The following TNRC18 variants were observed in gnomAD, a reference collection of about 807,000 sequenced individuals.
The protein encoded by TNRC18 is trinucleotide repeat containing 18.
A neutral mutation model predicts 226.7 loss-of-function variants in TNRC18; 69 were observed. The observed-to-expected ratio is 0.30, with a 90% CI of 0.25 to 0.37. TNRC18 has a LOEUF of 0.37. Ranked by LOEUF, TNRC18 falls within the 10% of genes least tolerant of loss-of-function variation. The probability of loss-of-function intolerance (pLI) is 1.00; values close to 1 mark genes in which losing one functional copy is unlikely to be tolerated. For missense variants in TNRC18, 4,754 were observed against 4,256.6 expected, an observed-to-expected ratio of 1.12 and a Z score of -3.25; for synonymous variants, 2,449 against 1,927.6, an observed-to-expected ratio of 1.27 and a Z score of -7.09.
intron 11 of TNRC18, among the ~76,000 whole-genome samples, chr7:5,365,617 T>G (rs1793535089): frequency 6.6e-6 from 1 of 151,938 alleles, no homozygotes; most frequent in South Asian, 2.1e-4. Flanking sequence ...ATTTTTCAAT[T>G]GACATTTCAT....
At chr7:5,386,488 C>T (rs1378277540) in intron 5 of TNRC18, among the ~76,000 whole-genome samples, 3 of 151,582 alleles carry the variant, frequency 2.0e-5, no homozygotes, top group Non-Finnish European at 2.9e-5. Flanking sequence ...GAGGCACAAT[C>T]GCTTGAACCC....
chr7:5,336,448 G>GT (rs2128131303), intron 18 of TNRC18, among the ~76,000 whole-genome samples: 1 of 151,964 alleles, frequency 6.6e-6, no homozygotes, highest in South Asian at 2.1e-4. Flanking sequence ...TGAACCAATT[G>GT]TAAGTATAGA....
intron 2 of TNRC18, among the ~76,000 whole-genome samples, chr7:5,400,502 C>T (rs932661761): frequency 2.0e-5 from 3 of 151,990 alleles, no homozygotes; most frequent in Non-Finnish European, 4.4e-5. Context: ...CCCAGCTACT[C>T]GGGAGGTTTT....
chr7:5,388,505 G>C lies in TNRC18; in HGVS notation c.1319C>G (p.Pro440Arg). Reference protein sequence around the residue: ...NSVIRSLKRPPPADAPTVRAT... With the variant: ...NSVIRSLKRPRPADAPTVRAT... ...CCGCACCGTGGGGGCATCCGCGGGG[G>C]GCGGCCGCTTGAGCGAGCGGATGAC... Residue 440 changes from proline to arginine, a missense_variant, in exon 5 of 30, where the codon CCC becomes CGC. Pro to Arg is a moderately radical substitution (Grantham distance 103). Coordinates refer to ENST00000430969, the MANE Select transcript of TNRC18 (RefSeq NM_001080495.3). 1 of 1,333,836 alleles carries C rather than the reference G, an allele frequency of 7.5e-7. No individual in the cohort carries two copies. The allele number at this position is 1,333,836 out of a possible 1,614,324, so 82.6% of individuals were successfully genotyped here. A position where few individuals can be genotyped will look rare whatever the true frequency, so the allele number is the denominator to read the frequency against.
chr7:5,354,262 C>A (rs900642628), intron 16 of TNRC18, among the ~76,000 whole-genome samples: 3 of 152,046 alleles, frequency 2.0e-5, no homozygotes, highest in Non-Finnish European at 4.4e-5. Context: ...TTCCCTCACA[C>A]GTGCCAAGAG....
chr7:5,313,974 T>G (rs1787582283), intron 26 of TNRC18, 111 bp from the exon 27 acceptor site: 2 of 1,208,434 alleles, frequency 1.7e-6, no homozygotes, highest in South Asian at 5.5e-5. Flanking sequence ...TTTTTGTTTT[T>G]TTTTTGAGAT....
intron 18 of TNRC18, among the ~76,000 whole-genome samples, chr7:5,334,445 C>T (rs373080550): frequency 1.3e-5 from 2 of 148,730 alleles, no homozygotes; most frequent in African/African-American, 2.5e-5. Flanking sequence ...TACAGGTGCC[C>T]GCCACCACGC....
intron 18 of TNRC18, among the ~76,000 whole-genome samples, chr7:5,333,415 G>GGCGGGGAAACCC (rs1407927845): frequency 2.0e-5 from 3 of 152,242 alleles, no homozygotes; most frequent in African/African-American, 7.2e-5. Flanking sequence ...AAGGCAGGCA[G>GGCGGGGAAACCC]GCGGGGAAAC....
At position 5,423,786 on chromosome 7, in the gene TNRC18, G is replaced by A. The variant is rs1413238597; in HGVS notation, c.-589C>T. On this transcript the variant is annotated 5_prime_UTR_variant, in exon 1 of 30. Coordinates refer to ENST00000430969, the MANE Select transcript of TNRC18 (RefSeq NM_001080495.3). The stretch of plus-strand genomic sequence containing the variant: ...AATCTCCATATACAGCCCGGGATTG[G>A]AAAAGGTACATTACACAACCCCCCT... 6.8e-6 allele frequency among the ~76,000 whole-genome samples: 1 copy of A among 146,812 alleles called. No individual in the cohort carries two copies. Among genetic ancestry groups the A allele is most frequent in the African/African-American group, 2.5e-5 (1 of 39,850 alleles).
intron 24 of TNRC18, among the ~76,000 whole-genome samples, chr7:5,319,519 C>G (rs1788144249): frequency 6.6e-6 from 1 of 151,910 alleles, no homozygotes; most frequent in African/African-American, 2.4e-5. Context: ...ATTCTTTTTT[C>G]TTTTTTTGAG....
chr7:5,354,127 C>T (rs917327150), intron 16 of TNRC18, among the ~76,000 whole-genome samples: 9 of 151,950 alleles, frequency 5.9e-5, no homozygotes, highest in African/African-American at 2.2e-4. Flanking sequence ...CACTTGAACC[C>T]GGGAGGCGGA....
intron 4 of TNRC18, 23 bp downstream of exon 4, chr7:5,390,462 C>G (rs764173311): frequency 6.2e-7 from 1 of 1,613,362 alleles, no homozygotes; most frequent in South Asian, 1.1e-5. Context: ...TGTGCCACCC[C>G]CAACCCCGGA....
chr7:5,335,750 A>G (rs767743757), intron 18 of TNRC18, among the ~76,000 whole-genome samples: 1 of 151,708 alleles, frequency 6.6e-6, no homozygotes, highest in Non-Finnish European at 1.5e-5. Context: ...TGATCTGAAC[A>G]GAGGCCAGAG....
In TNRC18 at chr7:5,345,705, C is replaced by A. The variant is rs1327651264; in HGVS notation, c.5576G>T (p.Gly1859Val). 1.9e-6 allele frequency: 3 copies of A among 1,549,118 alleles called. No homozygotes were observed. The highest frequency in any genetic ancestry group is 3.9e-5 in the Admixed American group (2 of 50,994). The change falls in exon 18 of 30, where the codon GGC becomes GTC. Residue 1859 changes from glycine to valine, a missense_variant. Coordinates refer to ENST00000430969, the MANE Select transcript of TNRC18 (RefSeq NM_001080495.3). ...LGARERALSP[G>V]LEESGLGLLA... Reference sequence around the variant, plus strand: ...CAGGCCCAGCCCACTCTCCTCCAGGCCCGGTGACAGGGCCCGCTCCCGGGC... The same window carrying A: ...CAGGCCCAGCCCACTCTCCTCCAGGACCGGTGACAGGGCCCGCTCCCGGGC...
intron 11 of TNRC18, among the ~76,000 whole-genome samples, chr7:5,370,086 G>A (rs1216003899): frequency 6.6e-6 from 1 of 152,044 alleles, no homozygotes; most frequent in African/African-American, 2.4e-5. Context: ...AGGTCAAGGT[G>A]GGCAAAATCA....
At chr7:5,354,925 G>T (rs962276093) in intron 16 of TNRC18, among the ~76,000 whole-genome samples, 2 of 152,142 alleles carry the variant, frequency 1.3e-5, no homozygotes, top group Non-Finnish European at 2.9e-5. Context: ...CAATAAACAC[G>T]GCGACTTTTC....
intron 24 of TNRC18, among the ~76,000 whole-genome samples, chr7:5,318,211 G>A (rs1456314307): frequency 1.3e-5 from 2 of 152,076 alleles, no homozygotes; most frequent in African/African-American, 4.8e-5. Context: ...TAGAGACAGG[G>A]TCTTGCTATG....
intron 2 of TNRC18, among the ~76,000 whole-genome samples, chr7:5,405,912 A>G (rs552782551): frequency 1.2e-3 from 186 of 152,308 alleles, no homozygotes; most frequent in Non-Finnish European, 2.2e-3. Flanking sequence ...TAAAAAATAA[A>G]AATAGAAAAG....
chr7:5,377,840 C>T lies in TNRC18; in HGVS notation c.2255+82G>A. On this transcript the variant is annotated intron_variant, in intron 6 of 29. Transcript: ENST00000430969. The surrounding 1 kb of genome is among the most constrained non-coding windows in gnomAD (Gnocchi z 5.8). ...GCATCCATGGTCGAGGGGCCAAGCC[C>T]ACCTGGGGTCATCCAGCTGCCCCTC... The T allele has an allele frequency of 7.1e-7, 1 of 1,399,222 alleles. No homozygotes were observed. The highest frequency in any genetic ancestry group is 2.3e-5 in the East Asian group (1 of 43,128). The allele number at this position is 1,399,222 out of a possible 1,614,324, so 86.7% of individuals were successfully genotyped here.
Sources: gnomAD v4.1 joint callset for allele counts (sites outside exome capture counted in the v4.1 genomes callset) on GRCh38, gnomAD v4.1.1 for gene constraint, Gnocchi (gnomAD v3.1) non-coding constraint, MANE v1.5 for transcripts, NCBI Gene and HGNC (gene_info 2026-07-23, HGNC 2026-07-21) for gene names.